INVS: variants seen among roughly 807,000 people sequenced by gnomAD.
The protein encoded by INVS is inversion of embryo turning homolog.
Under a neutral mutation model 108.8 loss-of-function variants are expected in INVS, and 86 were observed. The ratio of observed to expected loss-of-function variants is 0.79; its 90% CI spans 0.66 to 0.95. INVS has a LOEUF of 0.95. INVS is among the 40% of genes least tolerant of loss of function. The pLI, the probability that INVS is intolerant of heterozygous loss-of-function variation, is 0.00. For missense variants in INVS, 1,169 were observed against 1,297.4 expected (o/e 0.90, Z 1.52); for synonymous variants, 455 against 473.5 (o/e 0.96, Z 0.51).
intron 3 of INVS, among the ~76,000 whole-genome samples, chr9:100,211,802 G>A (rs2118303493): frequency 6.6e-6 from 1 of 152,258 alleles, no homozygotes; most frequent in African/African-American, 2.4e-5. Context: ...CTTAAACTTG[G>A]AAAATAGCAA....
At chr9:100,192,574 A>C (rs1297063250) in intron 3 of INVS, among the ~76,000 whole-genome samples, 4 of 152,112 alleles carry the variant, frequency 2.6e-5, no homozygotes, top group Admixed American at 1.3e-4. Context: ...AAATACCTAA[A>C]AGTGCAATGA....
rs750217205 is a variant in INVS at position 100,278,231 on chromosome 9, CA to C, written c.1784+5179del. Among the ~76,000 whole-genome samples the C allele has an allele frequency of 8.8e-3, 734 of 83,062 alleles. 3 individuals carry two copies. Among genetic ancestry groups the C allele is most frequent in the African/African-American group, 0.03 (615 of 20,722 alleles). 54.5% of individuals were successfully genotyped at this position (83,062 alleles called of 152,430 possible). On this transcript the variant is annotated intron_variant, in intron 12 of 16. Coordinates refer to ENST00000262457, the MANE Select transcript of INVS (RefSeq NM_014425.5). Reference sequence around the variant, plus strand: ...GAAGACAGAGAGAGAGACCCTGTCTCAAAAAAAAAAAAAAAAAAAAAAAATT... The same window carrying C: ...GAAGACAGAGAGAGAGACCCTGTCTCAAAAAAAAAAAAAAAAAAAAAAATT...
intron 16 of INVS, chr9:100,298,405 T>G (rs1833853756): frequency 1.2e-6 from 1 of 826,552 alleles, no homozygotes; most frequent in South Asian, 5.5e-5. Flanking sequence ...AAGAGAACAC[T>G]GAGAGCATGT....
At chr9:100,110,569 A>C (rs1436462505) in intron 2 of INVS, among the ~76,000 whole-genome samples, 1 of 152,214 alleles carries the variant, frequency 6.6e-6, no homozygotes, top group Non-Finnish European at 1.5e-5. Context: ...GATTTTTCTT[A>C]ACATTTTTGT....
chr9:100,247,097 A>C (rs1002164197), intron 8 of INVS, among the ~76,000 whole-genome samples: 1 of 151,880 alleles, frequency 6.6e-6, no homozygotes, highest in Non-Finnish European at 1.5e-5. Flanking sequence ...AAAAAAAAAA[A>C]CCTACACTTT....
At chr9:100,144,929 G>T (rs932297570) in intron 3 of INVS, among the ~76,000 whole-genome samples, 3 of 152,130 alleles carry the variant, frequency 2.0e-5, no homozygotes, top group African/African-American at 7.2e-5. Context: ...GTAGAAGAAT[G>T]CCTGGACGTC....
At chr9:100,236,209 G>A (rs182319745) in intron 5 of INVS, among the ~76,000 whole-genome samples, 68 of 152,274 alleles carry the variant, frequency 4.5e-4, no homozygotes, top group African/African-American at 1.6e-3. Context: ...AGCTCCATCA[G>A]GTCATTTATG....
intron 3 of INVS, among the ~76,000 whole-genome samples, chr9:100,182,114 T>C (rs548645084): frequency 1.1e-4 from 17 of 152,074 alleles, no homozygotes; most frequent in African/African-American, 3.6e-4. Context: ...AAAAATTAAC[T>C]CAAGATGGAT....
At chr9:100,260,334 C>T (rs1832580348) in intron 10 of INVS, among the ~76,000 whole-genome samples, 1 of 150,590 alleles carries the variant, frequency 6.6e-6, no homozygotes, top group African/African-American at 2.4e-5. Context: ...GGATTACAGG[C>T]ATGCACCACC....
chr9:100,284,312 G>A lies in INVS; in HGVS notation c.1785-8G>A. ...TTTTTTCATCTTCTTCTTTGGCTTTGCTTCCAGAAAGCGAGAGGAAGAAAA... is the reference window on the plus strand; with the variant it reads ...TTTTTTCATCTTCTTCTTTGGCTTTACTTCCAGAAAGCGAGAGGAAGAAAA... On this transcript the variant is annotated splice_region_variant and splice_polypyrimidine_tract_variant and intron_variant, in intron 12 of 16. Coordinates refer to ENST00000262457, the MANE Select transcript of INVS (RefSeq NM_014425.5). 6.2e-7 allele frequency: 1 copy of A among 1,613,188 alleles called. No individual in the cohort carries two copies. Among genetic ancestry groups the A allele is most frequent in the Non-Finnish European group, 8.5e-7 (1 of 1,180,032 alleles).
intron 11 of INVS, among the ~76,000 whole-genome samples, chr9:100,266,268 A>C (rs888836337): frequency 6.6e-6 from 1 of 152,202 alleles, no homozygotes; most frequent in Non-Finnish European, 1.5e-5. Flanking sequence ...CTTGCACAAG[A>C]AAGAATTCAG....
At chr9:100,141,074 A>G (rs1357665613) in intron 3 of INVS, among the ~76,000 whole-genome samples, 33 of 152,186 alleles carry the variant, frequency 2.2e-4, no homozygotes, top group Admixed American at 2.0e-3. Context: ...AGTGTAAACC[A>G]GCAGTGTAAA....
At chr9:100,297,583 T>A (rs1024703522) in intron 15 of INVS, among the ~76,000 whole-genome samples, 15 of 152,190 alleles carry the variant, frequency 9.9e-5, no homozygotes, top group African/African-American at 3.6e-4. Flanking sequence ...TCAACACCCA[T>A]GCACTATAGT....
At chr9:100,235,588 T>C (rs1325634669) in intron 5 of INVS, among the ~76,000 whole-genome samples, 1 of 152,214 alleles carries the variant, frequency 6.6e-6, no homozygotes. Flanking sequence ...CAGCATTTGC[T>C]TATCTGTAAA....
chr9:100,273,140 G>C, intron 12 of INVS, 64 bp downstream of exon 12: 2 of 1,251,244 alleles, frequency 1.6e-6, no homozygotes, highest in Non-Finnish European at 2.3e-6. Context: ...TGGGGGTGTG[G>C]GGGGTGCTGG....
rs903950584 is a variant in INVS, at chr9:100,301,847, A to G, written c.*1173A>G. On this transcript the variant is annotated 3_prime_UTR_variant, in exon 17 of 17. Coordinates refer to ENST00000262457, the MANE Select transcript of INVS (RefSeq NM_014425.5). The stretch of plus-strand genomic sequence containing the variant: ...ATCGTTTTTGTGATCACAAAAACAC[A>G]AAGAAGGAGGTCTGCCTGGATGGAA... 2.6e-5 allele frequency among the ~76,000 whole-genome samples: 4 copies of G among 152,142 alleles called. No homozygotes were observed. Among genetic ancestry groups the G allele is most frequent in the African/African-American group, 9.7e-5 (4 of 41,418 alleles).
intron 12 of INVS, among the ~76,000 whole-genome samples, chr9:100,276,651 GGT>G (rs1230077015): frequency 1.3e-5 from 2 of 152,084 alleles, no homozygotes; most frequent in African/African-American, 4.8e-5. Context: ...TGAGATTACA[GGT>G]GTGTGCCACC....
Position 100,273,005 on chromosome 9 carries a change from C to T in INVS, c.1713C>T (p.Val571=). Residue 571 remains valine, a synonymous_variant, in exon 12 of 17, where the codon GTC becomes GTT. Coordinates refer to ENST00000262457, the MANE Select transcript of INVS (RefSeq NM_014425.5). ...KIQAVYKGYK[V]RKAFRDRKNL... is the part of the protein sequence containing the mutation. ...AAGCTGTCTACAAAGGGTACAAGGT[C>T]AGAAAAGCCTTCCGAGACAGGAAAA... 2 of 1,613,980 alleles carry T rather than the reference C, an allele frequency of 1.2e-6. No homozygotes were observed. Among genetic ancestry groups the T allele is most frequent in the Non-Finnish European group, 1.7e-6 (2 of 1,179,982 alleles).
At chr9:100,237,762 G>A (rs1240237045) in intron 5 of INVS, among the ~76,000 whole-genome samples, 1 of 152,130 alleles carries the variant, frequency 6.6e-6, no homozygotes, top group Non-Finnish European at 1.5e-5. Context: ...TTCTGCATTG[G>A]TCTCACTGGG....
Sources: allele counts gnomAD v4.1 joint callset (sites outside exome capture counted in the v4.1 genomes callset), GRCh38; gene constraint gnomAD v4.1.1; transcripts MANE v1.5; gene names NCBI Gene and HGNC (gene_info 2026-07-23, HGNC 2026-07-21).